The following EGFLAM variants were observed in gnomAD, a reference collection of about 807,000 sequenced individuals.
EGFLAM encodes the protein pikachurin.
Under a neutral mutation model 113.1 loss-of-function variants are expected in EGFLAM, and 79 were observed. The observed-to-expected ratio is 0.70, with a 90% CI of 0.58 to 0.84. The LOEUF (loss-of-function observed/expected upper bound fraction) is 0.84. EGFLAM is among the 40% of genes least tolerant of loss of function. The pLI is 0.00. For missense variants in EGFLAM, 1,265 were observed against 1,291.6 expected (o/e 0.98, Z 0.32); for synonymous variants, 504 against 487.6 (o/e 1.03, Z -0.44).
chr5:38,357,843 G>A (rs957798861), intron 5 of EGFLAM, among the ~76,000 whole-genome samples: 1 of 150,974 alleles, frequency 6.6e-6, no homozygotes, highest in African/African-American at 2.4e-5. Context: ...GGCATTGTTA[G>A]GAGATAGTCT....
At chr5:38,336,218 TA>T (rs1739177458) in intron 1 of EGFLAM, among the ~76,000 whole-genome samples, 9 of 152,208 alleles carry the variant, frequency 5.9e-5, no homozygotes, top group Admixed American at 5.9e-4. Context: ...AAATAAGACT[TA>T]AAATTATTAA....
chr5:38,305,954 A>G (rs1038976635), intron 1 of EGFLAM, among the ~76,000 whole-genome samples: 10 of 152,176 alleles, frequency 6.6e-5, no homozygotes, highest in South Asian at 6.2e-4. Context: ...TGGCTGCATC[A>G]AAGTGGGCTC....
At chr5:38,319,451 T>C (rs570332981) in intron 1 of EGFLAM, among the ~76,000 whole-genome samples, 2 of 152,282 alleles carry the variant, frequency 1.3e-5, no homozygotes, top group South Asian at 4.2e-4. Context: ...AGCAAATACT[T>C]ATGGAATGCT....
intron 6 of EGFLAM, among the ~76,000 whole-genome samples, chr5:38,375,811 A>G (rs1474213287): frequency 2.0e-5 from 3 of 152,178 alleles, no homozygotes; most frequent in African/African-American, 7.2e-5. Flanking sequence ...TGCAGTGTCC[A>G]CATCTAATTC....
chr5:38,298,792 C>G (rs990341956), intron 1 of EGFLAM, among the ~76,000 whole-genome samples: 2 of 151,976 alleles, frequency 1.3e-5, no homozygotes, highest in African/African-American at 4.8e-5. Context: ...TGTCAACCTC[C>G]TGGGCTCAGG....
intron 1 of EGFLAM, among the ~76,000 whole-genome samples, chr5:38,312,378 T>G (rs947517558): frequency 1.3e-5 from 2 of 151,766 alleles, no homozygotes; most frequent in Non-Finnish European, 2.9e-5. Flanking sequence ...AGTAGCTGGG[T>G]CTACAGGCGC....
chr5:38,291,471 A>C (rs1172221399), intron 1 of EGFLAM, among the ~76,000 whole-genome samples: 2 of 152,168 alleles, frequency 1.3e-5, no homozygotes, highest in Admixed American at 6.5e-5. Context: ...ACTCCTGAGT[A>C]GGAACAGAAG....
rs3733770 is a variant in EGFLAM, at chr5:38,458,300, C to T, written c.2688-11C>T. The T allele has an allele frequency of 8.6e-4, 1,379 of 1,612,394 alleles. 27 individuals carry two copies. The East Asian group carries it at 0.018, about 21-fold the overall frequency. On this transcript the variant is annotated splice_polypyrimidine_tract_variant and intron_variant, in intron 19 of 21. Transcript: ENST00000322350. ...TTCTGTTCTCTGTCTTCTTCTTCTC[C>T]AATGCCTTAGCTATAACCTGGGCAG...
At chr5:38,357,967 A>ATTTTTTTTTTT in intron 5 of EGFLAM, among the ~76,000 whole-genome samples, 1 of 119,436 alleles carries the variant, frequency 8.4e-6, no homozygotes, top group Non-Finnish European at 1.7e-5. Flanking sequence ...GGTTAAGTGA[A>ATTTTTTTTTTT]TTTTTTTTTT....
At chr5:38,447,523 AG>A (rs1207732473) in intron 17 of EGFLAM, among the ~76,000 whole-genome samples, 1 of 152,160 alleles carries the variant, frequency 6.6e-6, no homozygotes, top group Admixed American at 6.5e-5. Flanking sequence ...TAGGAGGCCG[AG>A]GCGGGTGGAT....
chr5:38,365,637 T>C (rs1437886676), intron 5 of EGFLAM, among the ~76,000 whole-genome samples: 1 of 152,212 alleles, frequency 6.6e-6, no homozygotes, highest in Non-Finnish European at 1.5e-5. Flanking sequence ...ACCAGCATTT[T>C]GTTTTTTAAA....
At chr5:38,292,498 A>G (rs142068010) in intron 1 of EGFLAM, among the ~76,000 whole-genome samples, 50 of 152,352 alleles carry the variant, frequency 3.3e-4, no homozygotes, top group African/African-American at 1.1e-3. Flanking sequence ...AGGTTTTGAA[A>G]TCATCCCATT....
intron 1 of EGFLAM, among the ~76,000 whole-genome samples, chr5:38,267,275 A>G (rs1757656729): frequency 6.6e-6 from 1 of 152,182 alleles, no homozygotes. Flanking sequence ...AATGCTATTT[A>G]TTTTTCTTGC....
At chr5:38,417,302 G>A (rs1427090528) in intron 11 of EGFLAM, among the ~76,000 whole-genome samples, 1 of 136,874 alleles carries the variant, frequency 7.3e-6, no homozygotes, top group Non-Finnish European at 1.5e-5. Flanking sequence ...GAGCCAGGAT[G>A]GTGCCTTTGC....
Position 38,445,629 on chromosome 5 carries a change from A to G in EGFLAM, c.2465-2672A>G, listed in dbSNP as rs1411974679. 3.1e-6 allele frequency: 5 copies of G among 1,598,428 alleles called. No homozygotes were observed. The African/African-American group carries it at 4.0e-5, about 13-fold the overall frequency. ...CCAGAGTAATTGGGATTTGACAAGG[A>G]CTGTGAAAGGCTGACTCTCCCTGTT... On this transcript the variant is annotated intron_variant, in intron 17 of 21. Coordinates refer to ENST00000322350, the MANE Select transcript of EGFLAM (RefSeq NM_152403.4).
chr5:38,396,063 T>TTTTTTTTTTTTTTTTTTTTTTTTTTTTAG, intron 6 of EGFLAM, among the ~76,000 whole-genome samples: 1 of 152,082 alleles, frequency 6.6e-6, no homozygotes, highest in African/African-American at 2.4e-5. Context: ...ACCCACTCTT[T>TTTTTTTTTTTTTTTTTTTTTTTTTTTTAG]AAAAGCCTCC....
chr5:38,338,660 G>C, intron 2 of EGFLAM, 38 bp from the exon 3 acceptor site: 1 of 1,595,776 alleles, frequency 6.3e-7, no homozygotes, highest in Non-Finnish European at 8.6e-7. Flanking sequence ...ACACAAGCAC[G>C]GGCTCTGCTC....
intron 1 of EGFLAM, among the ~76,000 whole-genome samples, chr5:38,336,435 A>G (rs762081627): frequency 1.9e-4 from 29 of 152,132 alleles, no homozygotes; most frequent in Non-Finnish European, 3.5e-4. Flanking sequence ...TTAGCCGGGC[A>G]TGGTGGCGAG....
intron 1 of EGFLAM, among the ~76,000 whole-genome samples, chr5:38,317,288 A>G (rs2111880690): frequency 6.6e-6 from 1 of 152,296 alleles, no homozygotes; most frequent in East Asian, 1.9e-4. Flanking sequence ...TCATCTTGTT[A>G]AGCCATGAGA....
Sources: gnomAD v4.1 joint callset for allele counts (sites outside exome capture counted in the v4.1 genomes callset) on GRCh38, gnomAD v4.1.1 for gene constraint, MANE v1.5 for transcripts, NCBI Gene and HGNC (gene_info 2026-07-23, HGNC 2026-07-21) for gene names.